MSRA: variants seen among roughly 807,000 people sequenced by gnomAD.
The protein encoded by MSRA is methionine sulfoxide reductase A, also known as mitochondrial peptide methionine sulfoxide reductase.
MSRA carries 54 observed loss-of-function variants against 31.3 expected under a neutral mutation model. That is an observed-to-expected ratio of 1.73 (90% CI 1.39 to 2.17). MSRA has a LOEUF of 2.17. MSRA is among the 30% of genes most tolerant of loss of function. The probability of loss-of-function intolerance (pLI) is 0.00; values close to 1 mark genes in which losing one functional copy is unlikely to be tolerated. For synonymous variants in MSRA, 169 were observed against 116.5 expected, an observed-to-expected ratio of 1.45 and a Z score of -2.90; for missense variants, 507 against 300.9, an observed-to-expected ratio of 1.69 and a Z score of -5.07.
chr8:10,263,552 T>C (rs1042943678), intron 3 of MSRA, among the ~76,000 whole-genome samples: 1 of 152,222 alleles, frequency 6.6e-6, no homozygotes, highest in Non-Finnish European at 1.5e-5. Context: ...GAATCATTCT[T>C]TGGCTTTGTT....
chr8:10,194,174 A>AG (rs989684060), intron 1 of MSRA, among the ~76,000 whole-genome samples: 1 of 152,224 alleles, frequency 6.6e-6, no homozygotes, highest in Non-Finnish European at 1.5e-5. Flanking sequence ...AAAGTAAAAA[A>AG]GGGGTGAACC....
intron 1 of MSRA, among the ~76,000 whole-genome samples, chr8:10,185,528 G>A (rs760706300): frequency 6.6e-6 from 1 of 152,150 alleles, no homozygotes; most frequent in Non-Finnish European, 1.5e-5. Context: ...AATCCTTAGT[G>A]CTTCTGGTGG....
chr8:10,133,628 A>G (rs940449870), intron 1 of MSRA, among the ~76,000 whole-genome samples: 2 of 152,288 alleles, frequency 1.3e-5, no homozygotes, highest in Non-Finnish European at 2.9e-5. Context: ...AGTGGGGAAA[A>G]AAGACCTACA....
At chr8:10,401,682 TA>T (rs11355031) in intron 5 of MSRA, among the ~76,000 whole-genome samples, 91,356 of 151,122 alleles carry the variant, frequency 0.6, 27,844 homozygotes, top group East Asian at 0.78. Context: ...GATGAATGGG[TA>T]AAAAAAAAAT....
intron 2 of MSRA, among the ~76,000 whole-genome samples, chr8:10,213,202 C>A (rs536967150): frequency 2.6e-5 from 4 of 152,250 alleles, no homozygotes; most frequent in Non-Finnish European, 2.9e-5. Flanking sequence ...TACTACCTAC[C>A]CTTCCCAGCC....
At chr8:10,158,406 C>G (rs527755677) in intron 1 of MSRA, among the ~76,000 whole-genome samples, 1 of 152,198 alleles carries the variant, frequency 6.6e-6, no homozygotes, top group East Asian at 1.9e-4. Flanking sequence ...GCTATCGGCA[C>G]AATAATCTAC....
At chr8:10,355,798 A>G (rs1362523336) in intron 5 of MSRA, among the ~76,000 whole-genome samples, 1 of 152,152 alleles carries the variant, frequency 6.6e-6, no homozygotes, top group African/African-American at 2.4e-5. Flanking sequence ...ATGCCATATC[A>G]GGGAGGCCCA....
intron 5 of MSRA, among the ~76,000 whole-genome samples, chr8:10,414,468 C>T (rs987304454): frequency 6.6e-6 from 1 of 152,202 alleles, no homozygotes; most frequent in Non-Finnish European, 1.5e-5. Context: ...CTAGCGTTGG[C>T]ACTGAAAGTT....
At chr8:10,341,837 C>G (rs1051692233) in intron 5 of MSRA, among the ~76,000 whole-genome samples, 2 of 152,200 alleles carry the variant, frequency 1.3e-5, no homozygotes, top group African/African-American at 4.8e-5. Context: ...ATGATTTGCC[C>G]AAGGCGTGTG....
intron 1 of MSRA, among the ~76,000 whole-genome samples, chr8:10,180,098 C>G (rs1216433356): frequency 6.6e-6 from 1 of 152,220 alleles, no homozygotes; most frequent in Non-Finnish European, 1.5e-5. Flanking sequence ...CTGCCCCCAA[C>G]TTCAGATGCC....
chr8:10,348,948 T>C (rs942978132), intron 5 of MSRA, among the ~76,000 whole-genome samples: 1 of 152,106 alleles, frequency 6.6e-6, no homozygotes, highest in Non-Finnish European at 1.5e-5. Context: ...GCCTGCCAGC[T>C]TGGTATTTTG....
intron 5 of MSRA, among the ~76,000 whole-genome samples, chr8:10,406,865 C>CT (rs1469904018): frequency 3.3e-5 from 5 of 152,178 alleles, no homozygotes; most frequent in Admixed American, 3.3e-4. Flanking sequence ...GTGATCTTCT[C>CT]TTTTTTGAAA....
At chr8:10,325,558 T>C (rs1440601263) in intron 5 of MSRA, among the ~76,000 whole-genome samples, 11 of 152,212 alleles carry the variant, frequency 7.2e-5, no homozygotes, top group Admixed American at 5.9e-4. Context: ...TGAGGCCCTT[T>C]TAAGTTTTGA....
intron 2 of MSRA, among the ~76,000 whole-genome samples, chr8:10,234,172 A>G (rs1441167806): frequency 6.6e-6 from 1 of 152,192 alleles, no homozygotes; most frequent in South Asian, 2.1e-4. Context: ...TTTCAGTAAG[A>G]TGAAGAATTA....
rs553613673 is a variant in MSRA, at chr8:10,397,188, T to C, written c.544-30960T>C. Among the ~76,000 whole-genome samples, 33 of 152,314 alleles carry C rather than the reference T, an allele frequency of 2.2e-4. No homozygotes were observed. In the South Asian group the frequency reaches 6.6e-3, roughly 31 times the overall value. ...TCTGCTAGAATGTATATTTCCCTGG[T>C]CCTGTTTTATTTGTGTGAGCCATCT... On this transcript the variant is annotated intron_variant, in intron 5 of 5. Transcript: ENST00000317173.
At chr8:10,183,172 C>T (rs1006949262) in intron 1 of MSRA, among the ~76,000 whole-genome samples, 2 of 152,174 alleles carry the variant, frequency 1.3e-5, no homozygotes, top group African/African-American at 4.8e-5. Flanking sequence ...TATTTGCCTT[C>T]CTAGACTTGG....
At chr8:10,144,692 C>T (rs796863011) in intron 1 of MSRA, among the ~76,000 whole-genome samples, 97 of 151,472 alleles carry the variant, frequency 6.4e-4, no homozygotes, top group Non-Finnish European at 6.3e-4. Flanking sequence ...ATTAATTCTG[C>T]AGCATCCTGC....
chr8:10,141,373 A>G (rs542455992), intron 1 of MSRA, among the ~76,000 whole-genome samples: 2 of 152,340 alleles, frequency 1.3e-5, no homozygotes, highest in African/African-American at 2.4e-5. Context: ...CTGATCAAGG[A>G]TGAGTTGAGG....
intron 2 of MSRA, among the ~76,000 whole-genome samples, chr8:10,212,001 A>T (rs1171494713): frequency 6.6e-6 from 1 of 152,068 alleles, no homozygotes; most frequent in Non-Finnish European, 1.5e-5. Flanking sequence ...ATTTGTGAAG[A>T]TTCTTGGTAC....
Sources: gnomAD v4.1 joint callset for allele counts (sites outside exome capture counted in the v4.1 genomes callset) on GRCh38, gnomAD v4.1.1 for gene constraint, MANE v1.5 for transcripts, NCBI Gene and HGNC (gene_info 2026-07-23, HGNC 2026-07-21) for gene names.